POU6F2: variants seen among roughly 807,000 people sequenced by gnomAD.
POU6F2 encodes POU domain, class 6, transcription factor 2.
Under a neutral mutation model 71.3 loss-of-function variants are expected in POU6F2, and 31 were observed. The ratio of observed to expected loss-of-function variants is 0.43; its 90% CI spans 0.33 to 0.59. The LOEUF is 0.59. Ranked by LOEUF, POU6F2 falls within the 20% of genes least tolerant of loss-of-function variation. POU6F2 has a pLI of 0.04. For missense variants in POU6F2, 783 were observed against 856.8 expected (o/e 0.91, Z 1.07); for synonymous variants, 347 against 355.7 (o/e 0.98, Z 0.27).
At chr7:39,454,655 GATATATATATATATATATATATATAT>G (rs70977474) in intron 8 of POU6F2, among the ~76,000 whole-genome samples, 1,954 of 63,262 alleles carry the variant, frequency 0.031, 237 homozygotes, top group East Asian at 0.069. Flanking sequence ...GAAGACCAGG[GATATATATATATATATATATATATAT>G]ATATATATAT....
intron 1 of POU6F2, among the ~76,000 whole-genome samples, chr7:39,008,323 T>C (rs1457954766): frequency 6.6e-6 from 1 of 152,094 alleles, no homozygotes; most frequent in African/African-American, 2.4e-5. Flanking sequence ...CATAAATATC[T>C]TCTTTTGAGA....
chr7:39,260,614 C>T (rs2128754424), intron 4 of POU6F2, among the ~76,000 whole-genome samples: 1 of 150,054 alleles, frequency 6.7e-6, no homozygotes, highest in South Asian at 2.1e-4. Flanking sequence ...ACCATACACA[C>T]AATACAGACA....
intron 6 of POU6F2, among the ~76,000 whole-genome samples, chr7:39,413,132 G>A (rs954094446): frequency 6.6e-6 from 1 of 150,984 alleles, no homozygotes; most frequent in Non-Finnish European, 1.5e-5. Context: ...AGAAACAGAG[G>A]GATAGGAGCC....
intron 1 of POU6F2, among the ~76,000 whole-genome samples, chr7:38,993,619 C>T (rs1180424054): frequency 6.6e-6 from 1 of 151,010 alleles, no homozygotes; most frequent in East Asian, 1.9e-4. Flanking sequence ...TAAACACACA[C>T]ACACACACAC....
At chr7:39,456,245 A>G (rs1451258916) in intron 8 of POU6F2, among the ~76,000 whole-genome samples, 1 of 152,200 alleles carries the variant, frequency 6.6e-6, no homozygotes, top group Admixed American at 6.5e-5. Context: ...ATTCATCCTT[A>G]AAATGAACCC....
At chr7:39,060,321 G>C (rs1332941013) in intron 1 of POU6F2, among the ~76,000 whole-genome samples, 1 of 152,146 alleles carries the variant, frequency 6.6e-6, no homozygotes, top group Non-Finnish European at 1.5e-5. Flanking sequence ...GTTTCTTAGG[G>C]CTGGGGTATG....
chr7:39,412,232 A>G (rs372005796), intron 6 of POU6F2, among the ~76,000 whole-genome samples: 13 of 152,352 alleles, frequency 8.5e-5, no homozygotes, highest in South Asian at 8.3e-4. Context: ...AGTGCCTGAT[A>G]TATGCCATAA....
intron 5 of POU6F2, among the ~76,000 whole-genome samples, chr7:39,367,444 C>T (rs1192809490): frequency 6.6e-6 from 1 of 152,180 alleles, no homozygotes; most frequent in Non-Finnish European, 1.5e-5. Context: ...AAGTAAGTTT[C>T]TCTTGATAGA....
At chr7:39,305,251 G>C (rs1457615009) in intron 4 of POU6F2, among the ~76,000 whole-genome samples, 2 of 152,174 alleles carry the variant, frequency 1.3e-5, no homozygotes, top group African/African-American at 2.4e-5. Context: ...AGAAGCTAAG[G>C]CTTAATTAAA....
At chr7:39,233,588 G>C (rs1220688534) in intron 4 of POU6F2, among the ~76,000 whole-genome samples, 2 of 152,090 alleles carry the variant, frequency 1.3e-5, no homozygotes, top group Non-Finnish European at 2.9e-5. Flanking sequence ...TGATGATCTG[G>C]GTTATGGCAA....
intron 4 of POU6F2, among the ~76,000 whole-genome samples, chr7:39,261,217 T>C (rs564919280): frequency 2.0e-5 from 3 of 152,142 alleles, no homozygotes; most frequent in Admixed American, 6.5e-5. Flanking sequence ...AGGCCACCTC[T>C]CCTGCTCCTG....
chr7:38,998,001 A>G (rs935154683), intron 1 of POU6F2, among the ~76,000 whole-genome samples: 83 of 152,312 alleles, frequency 5.4e-4, no homozygotes, highest in African/African-American at 1.8e-3. Flanking sequence ...CTCTCAAGCC[A>G]CTTTTGACTG....
chr7:39,360,074 A>G (rs1786345646), intron 5 of POU6F2, among the ~76,000 whole-genome samples: 1 of 152,246 alleles, frequency 6.6e-6, no homozygotes, highest in South Asian at 2.1e-4. Context: ...AATGCAACAC[A>G]GAGAATTTTT....
At chr7:39,343,748 C>T (rs975476973) in intron 5 of POU6F2, among the ~76,000 whole-genome samples, 2 of 152,148 alleles carry the variant, frequency 1.3e-5, no homozygotes, top group African/African-American at 4.8e-5. Flanking sequence ...GTCACTTTAG[C>T]TCTCTGGACT....
chr7:39,167,449 T>C (rs541177236), intron 2 of POU6F2, among the ~76,000 whole-genome samples: 1 of 152,246 alleles, frequency 6.6e-6, no homozygotes, highest in African/African-American at 2.4e-5. Flanking sequence ...CAAATATTAA[T>C]TTACCTGTAC....
chr7:39,395,870 T>C (rs1269597362), intron 5 of POU6F2, among the ~76,000 whole-genome samples: 1 of 152,144 alleles, frequency 6.6e-6, no homozygotes, highest in Non-Finnish European at 1.5e-5. Context: ...GTGGCAAAAT[T>C]TATTTCCAAA....
chr7:39,234,337 TC>T (rs1354008028), intron 4 of POU6F2, among the ~76,000 whole-genome samples: 1 of 152,208 alleles, frequency 6.6e-6, no homozygotes, highest in African/African-American at 2.4e-5. Flanking sequence ...AAAGTGACAG[TC>T]CCCTACTCTC....
intron 2 of POU6F2, among the ~76,000 whole-genome samples, chr7:39,173,947 A>C (rs1793277283): frequency 6.6e-6 from 1 of 152,236 alleles, no homozygotes; most frequent in Non-Finnish European, 1.5e-5. Context: ...CTCAACTTCT[A>C]ATATTCCAGC....
intron 4 of POU6F2, among the ~76,000 whole-genome samples, chr7:39,218,221 T>C (rs1238785222): frequency 2.0e-5 from 3 of 152,156 alleles, no homozygotes; most frequent in Admixed American, 2.0e-4. Flanking sequence ...AGGAAAAGAC[T>C]GTGTTTGAAA....
Sources: allele counts gnomAD v4.1 joint callset (sites outside exome capture counted in the v4.1 genomes callset), GRCh38; gene constraint gnomAD v4.1.1; transcripts MANE v1.5; gene names NCBI Gene and HGNC (gene_info 2026-07-23, HGNC 2026-07-21).